The following FRYL variants were observed in gnomAD, a reference collection of about 807,000 sequenced individuals.
The protein encoded by FRYL is FRY like transcription coactivator.
FRYL carries 150 observed loss-of-function variants against 351.2 expected under a neutral mutation model. The ratio of observed to expected loss-of-function variants is 0.43; its 90% confidence interval spans 0.37 to 0.49. The LOEUF is 0.49. Ranked by LOEUF, FRYL falls within the 20% of genes least tolerant of loss-of-function variation. The pLI, the probability that FRYL is intolerant of heterozygous loss-of-function variation, is 0.00. For synonymous variants in FRYL, 1,153 were observed against 1,257.1 expected (o/e 0.92, Z 1.75); for missense variants, 3,036 against 3,619.3 (o/e 0.84, Z 4.13).
intron 47 of FRYL, among the ~76,000 whole-genome samples, 197 bp from the exon 48 acceptor site, chr4:48,536,024 G>C (rs1474729921): frequency 1.3e-5 from 2 of 152,190 alleles, no homozygotes; most frequent in Non-Finnish European, 2.9e-5. Flanking sequence ...AGCTAATACA[G>C]AAAGAGGATT....
intron 4 of FRYL, among the ~76,000 whole-genome samples, chr4:48,631,203 G>A (rs1238319529): frequency 1.3e-5 from 2 of 152,072 alleles, no homozygotes; most frequent in East Asian, 1.9e-4. Context: ...TGATTTGGGG[G>A]TTTTCCTGGT....
At chr4:48,557,186 C>A (rs1734307054) in intron 34 of FRYL, 68 bp from the exon 35 acceptor site, 1 of 1,508,902 alleles carries the variant, frequency 6.6e-7, no homozygotes, top group South Asian at 1.3e-5. Flanking sequence ...ACTTGTCATA[C>A]CATGAAATAT....
At chr4:48,711,293 G>T (rs1337816327) in intron 1 of FRYL, among the ~76,000 whole-genome samples, 1 of 142,976 alleles carries the variant, frequency 7.0e-6, no homozygotes, top group African/African-American at 2.6e-5. Context: ...AAGGGGTCAG[G>T]GAGTTCCCTT....
intron 54 of FRYL, among the ~76,000 whole-genome samples, chr4:48,522,391 C>T (rs1020652217): frequency 1.3e-5 from 2 of 151,792 alleles, no homozygotes; most frequent in African/African-American, 4.9e-5. Flanking sequence ...ATTCCATGTG[C>T]CTTCTCCTTC....
chr4:48,563,132 G>A, intron 31 of FRYL, 144 bp from the exon 32 acceptor site: 1 of 553,674 alleles, frequency 1.8e-6, no homozygotes, highest in South Asian at 2.7e-5. Flanking sequence ...AAGGCAATAG[G>A]TACAACAACA....
At chr4:48,576,288 A>C in intron 23 of FRYL, 66 bp from the exon 24 acceptor site, 1 of 1,243,324 alleles carries the variant, frequency 8.0e-7, no homozygotes, top group Non-Finnish European at 1.1e-6. Flanking sequence ...AGTTTATTTT[A>C]ACTAATGCTA....
intron 3 of FRYL, among the ~76,000 whole-genome samples, chr4:48,642,546 G>A (rs1252635199): frequency 6.6e-6 from 1 of 151,784 alleles, no homozygotes; most frequent in East Asian, 1.9e-4. Flanking sequence ...TTGTTCTTTG[G>A]ACAGCTGTCC....
At chr4:48,524,412 T>C (rs1725549970) in intron 53 of FRYL, among the ~76,000 whole-genome samples, 1 of 152,124 alleles carries the variant, frequency 6.6e-6, no homozygotes, top group African/African-American at 2.4e-5. Flanking sequence ...TCAAATATTA[T>C]TATGTACCAA....
chr4:48,630,483 T>A (rs1483675654), intron 4 of FRYL, among the ~76,000 whole-genome samples: 1 of 152,180 alleles, frequency 6.6e-6, no homozygotes, highest in Non-Finnish European at 1.5e-5. Context: ...GATTTTCTTC[T>A]ATCTTCTTTT....
At chr4:48,540,283 CA>C in intron 46 of FRYL, 69 bp downstream of exon 46, 1 of 1,488,798 alleles carries the variant, frequency 6.7e-7, no homozygotes. Flanking sequence ...TAGTAGATTT[CA>C]AAACAAATGA....
chr4:48,549,389 T>C lies in FRYL; in HGVS notation c.4784+84A>G. The C allele has an allele frequency of 8.1e-7, 1 of 1,241,104 alleles. No homozygotes were observed. The highest frequency in any genetic ancestry group is 1.1e-6 in the Non-Finnish European group (1 of 901,598). 76.9% of individuals were successfully genotyped at this position (1,241,104 alleles called of 1,614,324 possible). A position where few individuals can be genotyped will look rare whatever the true frequency, so the allele number is the denominator to read the frequency against. ...TCCATAAAGAAGATTGCTTTCATTC[T>C]GTGTTGTCAGATAGCACAAAGAAAG... On this transcript the variant is annotated intron_variant, in intron 39 of 63. Transcript: ENST00000358350. The surrounding 1 kb of genome is among the most constrained non-coding windows in gnomAD (Gnocchi z 4.2).
chr4:48,770,451 T>G (rs2109411368), intron 1 of FRYL, among the ~76,000 whole-genome samples: 1 of 152,274 alleles, frequency 6.6e-6, no homozygotes, highest in East Asian at 1.9e-4. Flanking sequence ...TTTTTTATTT[T>G]TTTGAGACAG....
At chr4:48,697,806 G>GA (rs1766342207) in intron 2 of FRYL, among the ~76,000 whole-genome samples, 1 of 152,022 alleles carries the variant, frequency 6.6e-6, no homozygotes, top group Admixed American at 6.6e-5. Context: ...AGTACTTAAA[G>GA]AAAAAAATGA....
At chr4:48,587,924 A>G (rs1252056278) in intron 18 of FRYL, among the ~76,000 whole-genome samples, 1 of 152,210 alleles carries the variant, frequency 6.6e-6, no homozygotes, top group Non-Finnish European at 1.5e-5. Context: ...TGGTTTCAAA[A>G]TGCATGAATT....
chr4:48,523,505 C>A, intron 53 of FRYL: 1 of 159,012 alleles, frequency 6.3e-6, no homozygotes, highest in Admixed American at 6.2e-5. Flanking sequence ...TCCTGGTTAG[C>A]AAAAAGGAAA....
Position 48,551,552 on chromosome 4 carries a change from C to G in FRYL, c.4462G>C (p.Val1488Leu). ...TCAGGATTGCCATCTGTGGGAGCTA[C>G]CATTGTATTGCTACTGGAAGTAGTT... ...SGTTSSSNTM[V>L]APTDGNPDNK... The change falls in exon 37 of 64, where the codon GTA becomes CTA. Residue 1488 changes from valine to leucine, a missense_variant. By Grantham distance (32) the Val-to-Leu change is conservative. This residue lies in a region of FRYL where 1,987 missense variants were observed against 2,311.7 expected (regional missense o/e 0.86). Coordinates refer to ENST00000358350, the MANE Select transcript of FRYL (RefSeq NM_015030.2). The G allele has an allele frequency of 6.2e-7, 1 of 1,611,036 alleles. No homozygotes were observed. The highest frequency in any genetic ancestry group is 8.5e-7 in the Non-Finnish European group (1 of 1,177,652).
At chr4:48,597,944 T>C (rs1444786651) in intron 13 of FRYL, among the ~76,000 whole-genome samples, 2 of 152,232 alleles carry the variant, frequency 1.3e-5, no homozygotes, top group African/African-American at 2.4e-5. Context: ...TAAACAAAGA[T>C]ATTCAATCTA....
At chr4:48,527,081 C>T (rs1726420600) in intron 53 of FRYL, among the ~76,000 whole-genome samples, 1 of 152,122 alleles carries the variant, frequency 6.6e-6, no homozygotes, top group African/African-American at 2.4e-5. Flanking sequence ...TGTATATGTA[C>T]ATGAGAGTTG....
At chr4:48,711,561 G>A (rs1395455055) in intron 1 of FRYL, among the ~76,000 whole-genome samples, 1 of 152,272 alleles carries the variant, frequency 6.6e-6, no homozygotes, top group African/African-American at 2.4e-5. Context: ...AAGCAGCCGG[G>A]AAGCTCGAAC....
Sources: gnomAD v4.1 joint callset for allele counts (sites outside exome capture counted in the v4.1 genomes callset) on GRCh38, gnomAD v4.1.1 for gene constraint, gnomAD v4.1.1 regional missense constraint, Gnocchi (gnomAD v3.1) non-coding constraint, MANE v1.5 for transcripts, NCBI Gene and HGNC (gene_info 2026-07-23, HGNC 2026-07-21) for gene names.